Variants in DAB2IP observed in about 807,000 individuals in gnomAD.
DAB2IP encodes DAB2 interacting protein.
DAB2IP carries 28 observed loss-of-function variants against 107.2 expected under a neutral mutation model. That is an observed-to-expected ratio of 0.26 (90% confidence interval 0.19 to 0.36). DAB2IP has a LOEUF of 0.36. DAB2IP is among the 10% of genes least tolerant of loss of function. The pLI is 1.00. For synonymous variants in DAB2IP, 755 were observed against 706.4 expected, an observed-to-expected ratio of 1.07 and a Z score of -1.09; for missense variants, 1,400 against 1,644.7, an observed-to-expected ratio of 0.85 and a Z score of 2.57.
At chr9:121,784,596 G>A (rs546571996) in exon 16 of DAB2IP, 2 of 154,866 alleles carry the variant, frequency 1.3e-5, no homozygotes, top group African/African-American at 4.8e-5. Flanking sequence ...CAAGTCTGCC[G>A]ATTTTGTAAA....
At chr9:121,624,473 G>A (rs907125228) in intron 1 of DAB2IP, among the ~76,000 whole-genome samples, 2 of 152,258 alleles carry the variant, frequency 1.3e-5, no homozygotes, top group African/African-American at 2.4e-5. Flanking sequence ...AAGATGGGGA[G>A]GTAAAAATAC....
At chr9:121,757,212 G>A in intron 4 of DAB2IP, 46 bp downstream of exon 4, 1 of 1,595,450 alleles carries the variant, frequency 6.3e-7, no homozygotes, top group Non-Finnish European at 8.5e-7. Flanking sequence ...ATCCTCTCCT[G>A]GCCTGGCTGG....
intron 1 of DAB2IP, among the ~76,000 whole-genome samples, chr9:121,666,423 C>T (rs1053530490): frequency 2.6e-5 from 4 of 152,316 alleles, no homozygotes; most frequent in South Asian, 2.1e-4. Flanking sequence ...GGTTTAGTAA[C>T]CTCCAAGCAA....
At chr9:121,581,217 A>T (rs977811731) in intron 1 of DAB2IP, among the ~76,000 whole-genome samples, 1 of 152,116 alleles carries the variant, frequency 6.6e-6, no homozygotes, top group Non-Finnish European at 1.5e-5. Flanking sequence ...GCCTAGCCCA[A>T]GGAGGGAGGC....
At chr9:121,616,210 G>A (rs954853752) in intron 1 of DAB2IP, among the ~76,000 whole-genome samples, 4 of 152,200 alleles carry the variant, frequency 2.6e-5, no homozygotes, top group African/African-American at 7.2e-5. Flanking sequence ...AGGGAGGGGC[G>A]GGAAGGCTGC....
chr9:121,770,537 C>G lies in DAB2IP; in HGVS notation c.1900-9C>G, dbSNP rs1442450839. 1.1e-5 allele frequency: 17 copies of G among 1,612,458 alleles called. 1 individual carries two copies. The highest frequency in any genetic ancestry group is 1.4e-5 in the Non-Finnish European group (16 of 1,178,996). On this transcript the variant is annotated splice_polypyrimidine_tract_variant and intron_variant, in intron 10 of 15. Transcript: ENST00000408936. ...GAGGTCACACCTGCCTCTTGCTGTG[C>G]CTTTACAGAGCATAGTATCCAAACT...
chr9:121,605,510 T>G (rs1830839001), intron 1 of DAB2IP, among the ~76,000 whole-genome samples: 1 of 151,970 alleles, frequency 6.6e-6, no homozygotes, highest in Admixed American at 6.6e-5. Flanking sequence ...TATTGTTGGT[T>G]TTTTTTGAGA....
intron 1 of DAB2IP, among the ~76,000 whole-genome samples, chr9:121,671,640 A>G (rs930950107): frequency 6.6e-6 from 1 of 152,198 alleles, no homozygotes; most frequent in African/African-American, 2.4e-5. Flanking sequence ...TGTAAAAAAA[A>G]ATGGTATATA....
intron 3 of DAB2IP, among the ~76,000 whole-genome samples, chr9:121,717,189 G>A (rs575551782): frequency 9.2e-5 from 14 of 152,278 alleles, no homozygotes; most frequent in African/African-American, 3.4e-4. Context: ...TTCCACATCG[G>A]CTCAGGGGCC....
chr9:121,668,825 C>T (rs1357453638), intron 1 of DAB2IP, among the ~76,000 whole-genome samples: 24 of 150,912 alleles, frequency 1.6e-4, no homozygotes, highest in Non-Finnish European at 2.9e-5. Context: ...TAAGTGCATG[C>T]ACATGTAAAC....
At chr9:121,585,453 A>G (rs1383616449) in intron 1 of DAB2IP, among the ~76,000 whole-genome samples, 1 of 152,208 alleles carries the variant, frequency 6.6e-6, no homozygotes, top group East Asian at 1.9e-4. Context: ...ATACGGATTA[A>G]AGCACTTAGA....
intron 3 of DAB2IP, among the ~76,000 whole-genome samples, chr9:121,749,695 T>C (rs1366295837): frequency 1.3e-5 from 2 of 152,220 alleles, no homozygotes; most frequent in African/African-American, 2.4e-5. Context: ...TCTTCTCCTT[T>C]CATTTCGCCT....
intron 1 of DAB2IP, chr9:121,575,970 G>C (rs1205105686): frequency 6.6e-6 from 1 of 152,228 alleles, no homozygotes; most frequent in Non-Finnish European, 1.5e-5. Flanking sequence ...ATGGAGGTCA[G>C]AGAAGATGAA....
chr9:121,607,771 G>T (rs1258377688), intron 1 of DAB2IP, among the ~76,000 whole-genome samples: 1 of 152,234 alleles, frequency 6.6e-6, no homozygotes, highest in African/African-American at 2.4e-5. Context: ...TAAGAGGGGA[G>T]GGGAGGGAAT....
chr9:121,783,577 C>T, exon 16 of DAB2IP: 1 of 1,613,570 alleles, frequency 6.2e-7, no homozygotes, highest in Non-Finnish European at 8.5e-7. Flanking sequence ...CTTGCTGGAA[C>T]ACAGGGGCCT....
At chr9:121,584,824 CCA>C (rs1830277902) in intron 1 of DAB2IP, among the ~76,000 whole-genome samples, 2 of 152,162 alleles carry the variant, frequency 1.3e-5, no homozygotes, top group Non-Finnish European at 2.9e-5. Flanking sequence ...TAGGCTGCTG[CCA>C]AAGCCATTCA....
intron 3 of DAB2IP, among the ~76,000 whole-genome samples, chr9:121,739,268 A>G (rs997561680): frequency 7.2e-5 from 11 of 152,216 alleles, no homozygotes; most frequent in African/African-American, 2.2e-4. Context: ...AGCAAGTACA[A>G]AGTCCTTGAG....
intron 3 of DAB2IP, among the ~76,000 whole-genome samples, chr9:121,729,879 A>G (rs1225420070): frequency 1.3e-5 from 2 of 152,198 alleles, no homozygotes; most frequent in African/African-American, 4.8e-5. Flanking sequence ...CTATAGGGCA[A>G]ATAATTGGTT....
chr9:121,688,075 C>T (rs1004307656), intron 2 of DAB2IP, among the ~76,000 whole-genome samples: 5 of 152,116 alleles, frequency 3.3e-5, no homozygotes, highest in African/African-American at 1.2e-4. Context: ...GAGAACTGCT[C>T]TCCTCTTGTC....
Sources: allele counts gnomAD v4.1 joint callset (sites outside exome capture counted in the v4.1 genomes callset), GRCh38; gene constraint gnomAD v4.1.1; transcripts MANE v1.5; gene names NCBI Gene and HGNC (gene_info 2026-07-23, HGNC 2026-07-21).